Variants in IFT74 observed in about 807,000 individuals in gnomAD.
The protein encoded by IFT74 is intraflagellar transport protein 74 homolog.
A neutral mutation model predicts 96.7 loss-of-function variants in IFT74; 92 were observed. The observed-to-expected ratio is 0.95, with a 90% confidence interval of 0.80 to 1.13. The LOEUF (loss-of-function observed/expected upper bound fraction) is 1.13. IFT74 is among the 50% of genes most tolerant of loss of function. IFT74 has a pLI of 0.00. For missense variants in IFT74, 811 were observed against 698.2 expected (o/e 1.16, Z -1.82); for synonymous variants, 223 against 213.2 (o/e 1.05, Z -0.40).
At chr9:27,021,158 A>C (rs1025382423) in intron 12 of IFT74, among the ~76,000 whole-genome samples, 5 of 152,020 alleles carry the variant, frequency 3.3e-5, no homozygotes, top group African/African-American at 1.2e-4. Context: ...TATATGTATA[A>C]ATATATATGT....
At chr9:27,007,938 A>G (rs1487980837) in intron 8 of IFT74, among the ~76,000 whole-genome samples, 1 of 152,184 alleles carries the variant, frequency 6.6e-6, no homozygotes, top group Non-Finnish European at 1.5e-5. Context: ...TCTCTACCCT[A>G]TCAATAATTG....
intron 12 of IFT74, among the ~76,000 whole-genome samples, chr9:27,027,607 C>A (rs1829926740): frequency 6.6e-6 from 1 of 151,988 alleles, no homozygotes; most frequent in Non-Finnish European, 1.5e-5. Context: ...TGGCCATATT[C>A]TTTGGGGGAA....
chr9:27,006,867 C>T (rs371623738), intron 8 of IFT74, among the ~76,000 whole-genome samples: 7 of 119,032 alleles, frequency 5.9e-5, no homozygotes, highest in Admixed American at 1.1e-4. Context: ...GATGGAGTCT[C>T]GCTCTGTCAC....
At chr9:27,043,585 G>A (rs369277424) in intron 13 of IFT74, among the ~76,000 whole-genome samples, 12 of 152,126 alleles carry the variant, frequency 7.9e-5, no homozygotes, top group African/African-American at 2.9e-4. Flanking sequence ...CATTTTTCTA[G>A]GCCTTGGATT....
chr9:27,044,704 AT>A (rs755216455), intron 13 of IFT74, 37 bp from the exon 14 acceptor site: 1 of 1,277,400 alleles, frequency 7.8e-7, no homozygotes, highest in Non-Finnish European at 1.1e-6. Flanking sequence ...TGTATGTGCA[AT>A]TTTTGAAATT....
exon 1 of IFT74, chr9:26,947,118 CCGGGCCGCGG>C: frequency 1.4e-6 from 2 of 1,399,518 alleles, no homozygotes; most frequent in Non-Finnish European, 1.9e-6. Flanking sequence ...TCGGAGAGCG[CCGGGCCGCGG>C]CGGGAGAAGA....
intron 2 of IFT74, among the ~76,000 whole-genome samples, chr9:26,970,033 T>G (rs1448572041): frequency 1.3e-5 from 2 of 152,144 alleles, no homozygotes; most frequent in African/African-American, 2.4e-5. Flanking sequence ...TGTTGTTGTT[T>G]TTTTTAATTT....
In IFT74 at chr9:27,044,768, C is replaced by A. The variant is rs561912676; in HGVS notation, c.1081C>A (p.Leu361Ile). ...QGEMNQKYKE[L>I]KKREEHMDTF... The stretch of plus-strand genomic sequence containing the variant: ...TGAAATGAACCAGAAATACAAGGAG[C>A]TAAAGAAAAGGGAGGAACATATGGA... Residue 361 changes from leucine to isoleucine, a missense_variant, in exon 14 of 20, where the codon CTA (leucine) becomes ATA (isoleucine). Coordinates refer to ENST00000380062, the MANE Select transcript of IFT74 (RefSeq NM_025103.4). The A allele has an allele frequency of 1.3e-6, 2 of 1,564,666 alleles. No individual in the cohort carries two copies. Among genetic ancestry groups the A allele is most frequent in the South Asian group, 2.3e-5 (2 of 87,560 alleles).
intron 12 of IFT74, among the ~76,000 whole-genome samples, chr9:27,019,497 C>A (rs1829499672): frequency 6.6e-6 from 1 of 151,358 alleles, no homozygotes; most frequent in Non-Finnish European, 1.5e-5. Flanking sequence ...TGTTCTGTTC[C>A]AAGGCTCATA....
chr9:27,006,842 T>G (rs1336650875), intron 8 of IFT74, among the ~76,000 whole-genome samples: 8 of 134,960 alleles, frequency 5.9e-5, no homozygotes, highest in South Asian at 2.6e-4. Flanking sequence ...TTTTTTTTTT[T>G]TTTTTTTTTT....
intron 1 of IFT74, among the ~76,000 whole-genome samples, chr9:26,948,450 T>TA (rs201983799): frequency 0.043 from 1,337 of 31,264 alleles, 37 homozygotes; most frequent in South Asian, 0.11. Context: ...TTTCCATTAT[T>TA]TTTTTTTTTT....
intron 6 of IFT74, among the ~76,000 whole-genome samples, chr9:26,987,326 G>A (rs1014670722): frequency 6.6e-6 from 1 of 151,982 alleles, no homozygotes; most frequent in African/African-American, 2.4e-5. Context: ...TCCTGACCTC[G>A]TGATCCACCC....
At chr9:27,045,674 C>G (rs1229416946) in intron 14 of IFT74, among the ~76,000 whole-genome samples, 1 of 151,990 alleles carries the variant, frequency 6.6e-6, no homozygotes, top group Admixed American at 6.6e-5. Flanking sequence ...TACTGGTTTC[C>G]TTTTAAGTTA....
chr9:26,997,243 C>T (rs1828206482), intron 8 of IFT74, among the ~76,000 whole-genome samples: 1 of 151,766 alleles, frequency 6.6e-6, no homozygotes, highest in South Asian at 2.1e-4. Context: ...AATTTTTCCC[C>T]CTGGTAATGG....
At chr9:27,024,504 G>A (rs1329276542) in intron 12 of IFT74, among the ~76,000 whole-genome samples, 4 of 152,116 alleles carry the variant, frequency 2.6e-5, no homozygotes, top group African/African-American at 7.2e-5. Context: ...TGGGACAAAC[G>A]AATCTGAACA....
rs71841244 is a variant in IFT74, at chr9:26,948,448, ATTTTTTTTTTTTTTTTTTTTTTTT to A, written c.-20+1319_-20+1342del. On this transcript the variant is annotated intron_variant, in intron 1 of 19. Coordinates refer to the IFT74 transcript ENST00000433700. ...TGACAACCTGTGATGGCTTTCCATT[ATTTTTTTTTTTTTTTTTTTTTTTT>A]TTTTTTTTTTTTTTTTGAGACGGAG... Among the ~76,000 whole-genome samples, 131 of 59,164 alleles carry A rather than the reference ATTTTTTTTTTTTTTTTTTTTTTTT, an allele frequency of 2.2e-3. 1 individual carries two copies. Among genetic ancestry groups the A allele is most frequent in the Non-Finnish European group, 1.4e-3 (37 of 26,082 alleles). 38.8% of individuals were successfully genotyped at this position (59,164 alleles called of 152,430 possible). A position where few individuals can be genotyped will look rare whatever the true frequency, so the allele number is the denominator to read the frequency against.
chr9:27,032,432 T>C (rs2131652114), intron 13 of IFT74, among the ~76,000 whole-genome samples: 1 of 152,322 alleles, frequency 6.6e-6, no homozygotes, highest in East Asian at 1.9e-4. Flanking sequence ...TTCTGAAACT[T>C]TAAGCACCTT....
intron 10 of IFT74, among the ~76,000 whole-genome samples, chr9:27,013,054 T>C (rs1231180110): frequency 6.6e-6 from 1 of 152,178 alleles, no homozygotes; most frequent in East Asian, 1.9e-4. Flanking sequence ...CAGATAGAAC[T>C]ACTGGAAAGA....
chr9:27,002,336 A>G (rs574966583), intron 8 of IFT74, among the ~76,000 whole-genome samples: 41 of 152,366 alleles, frequency 2.7e-4, no homozygotes, highest in African/African-American at 8.7e-4. Context: ...TGTGTGAGCA[A>G]CATGGCTGTT....
Sources: gnomAD v4.1 joint callset for allele counts (sites outside exome capture counted in the v4.1 genomes callset) on GRCh38, gnomAD v4.1.1 for gene constraint, MANE v1.5 for transcripts, NCBI Gene and HGNC (gene_info 2026-07-23, HGNC 2026-07-21) for gene names.